The following CLN6 variants were observed in gnomAD, a reference collection of about 807,000 sequenced individuals.
The protein encoded by CLN6 is ceroid-lipofuscinosis neuronal protein 6.
Under a neutral mutation model 33.3 loss-of-function variants are expected in CLN6, and 22 were observed. The observed-to-expected ratio is 0.66, with a 90% CI of 0.47 to 0.94. The LOEUF (loss-of-function observed/expected upper bound fraction) is 0.94, where lower values mean the gene tolerates loss of function less well. CLN6 is among the 40% of genes least tolerant of loss of function. CLN6 has a pLI of 0.00. For synonymous variants in CLN6, 201 were observed against 174.6 expected (o/e 1.15, Z -1.19); for missense variants, 387 against 417.1 (o/e 0.93, Z 0.63).
chr15:68,211,698 T>C lies in CLN6; in HGVS notation c.463A>G (p.Lys155Glu). Reference sequence around the variant, plus strand: ...ACCAGCGTCTCCGGCTTGAGATTCTTGATGATGGGGTTCTCACGGACAGAC... The same window carrying C: ...ACCAGCGTCTCCGGCTTGAGATTCTCGATGATGGGGTTCTCACGGACAGAC... ...HLSVRENPII[K>E]NLKPETLIDS... The change falls in exon 4 of 7, where the codon AAG becomes GAG. Residue 155 changes from lysine to glutamate, a missense_variant. By Grantham distance (56) the Lys-to-Glu change is moderately conservative. Coordinates refer to ENST00000249806, the MANE Select transcript of CLN6 (RefSeq NM_017882.3). The surrounding 1 kb of genome is among the most constrained non-coding windows in gnomAD (Gnocchi z 5.9). 1 of 1,613,780 alleles carries C rather than the reference T, an allele frequency of 6.2e-7. No homozygotes were observed. Among genetic ancestry groups the C allele is most frequent in the Non-Finnish European group, 8.5e-7 (1 of 1,179,982 alleles).
chr15:68,254,615 G>A (rs1427836124), intron 1 of CLN6: 9 of 621,236 alleles, frequency 1.4e-5, no homozygotes, highest in Non-Finnish European at 2.6e-5. Context: ...ATGTCCCGCC[G>A]CCGTTGCCGC....
intron 1 of CLN6, among the ~76,000 whole-genome samples, chr15:68,222,256 T>C (rs1184712884): frequency 2.2e-5 from 3 of 134,924 alleles, no homozygotes; most frequent in Admixed American, 7.7e-5. Flanking sequence ...GGCCGCCCCA[T>C]CTGGGAAGTG....
intron 2 of CLN6, among the ~76,000 whole-genome samples, chr15:68,217,552 CA>C (rs1332778280): frequency 1.3e-5 from 2 of 152,302 alleles, no homozygotes; most frequent in East Asian, 1.9e-4. Flanking sequence ...TGCTAATTTG[CA>C]TGATCACTAG....
In CLN6 at chr15:68,211,652, C is replaced by T. The variant is rs764960003; in HGVS notation, c.486+23G>A. 3 of 1,612,596 alleles carry T rather than the reference C, an allele frequency of 1.9e-6. No individual in the cohort carries two copies. The South Asian group carries it at 3.3e-5, about 18-fold the overall frequency. The stretch of plus-strand genomic sequence containing the variant: ...AGACTGTGCTCCTAGGGCTTACAGG[C>T]AGGGAGCAGGAGGTGGCCTCACCAG... On this transcript the variant is annotated intron_variant, in intron 4 of 6. Transcript: ENST00000249806. The surrounding 1 kb of genome is among the most constrained non-coding windows in gnomAD (Gnocchi z 5.9).
At position 68,229,675 on chromosome 15, in the gene CLN6, C is replaced by T. The variant is rs912843721; in HGVS notation, c.-91G>A. ...GGCGGAGGCCGCCGCAAATTCCCAG[C>T]GCGGGGCGGTTCGGGGCGGGCCGGC... On this transcript the variant is annotated 5_prime_UTR_variant, in exon 1 of 7. Coordinates refer to ENST00000249806, the MANE Select transcript of CLN6 (RefSeq NM_017882.3). The T allele has an allele frequency of 8.9e-6, 10 of 1,125,822 alleles. No individual in the cohort carries two copies. The highest frequency in any genetic ancestry group is 3.9e-5 in the Admixed American group (1 of 25,844). 69.7% of individuals were successfully genotyped at this position (1,125,822 alleles called of 1,614,324 possible). A position where few individuals can be genotyped will look rare whatever the true frequency, so the allele number is the denominator to read the frequency against.
At chr15:68,254,033 G>A (rs1257215148) in intron 1 of CLN6, among the ~76,000 whole-genome samples, 5 of 151,674 alleles carry the variant, frequency 3.3e-5, no homozygotes, top group Non-Finnish European at 5.9e-5. Context: ...GCCCACCACC[G>A]CGCCCGGCTA....
In CLN6 at chr15:68,219,316, A is replaced by G. The variant is rs2093228992; in HGVS notation, c.84-666T>C. The stretch of plus-strand genomic sequence containing the variant: ...CTCCAATGAAATGTGCTTTAGAGAG[A>G]CTGAAATGGATAGGGCCTCCTGCTC... On this transcript the variant is annotated intron_variant, in intron 1 of 6. Coordinates refer to ENST00000249806, the MANE Select transcript of CLN6 (RefSeq NM_017882.3). The surrounding 1 kb of genome is among the most constrained non-coding windows in gnomAD (Gnocchi z 4.2). Among the ~76,000 whole-genome samples the G allele has an allele frequency of 6.6e-6, 1 of 152,104 alleles. No individual in the cohort carries two copies. Among genetic ancestry groups the G allele is most frequent in the Admixed American group, 6.5e-5 (1 of 15,272 alleles).
rs979720182 is a variant in CLN6, at chr15:68,211,116, T to C, written c.542+147A>G. 6.6e-6 allele frequency: 5 copies of C among 755,576 alleles called. No homozygotes were observed. In the East Asian group the frequency reaches 7.5e-5, roughly 11 times the overall value. The allele number at this position is 755,576 out of a possible 1,614,324, so 46.8% of individuals were successfully genotyped here. A position where few individuals can be genotyped will look rare whatever the true frequency, so the allele number is the denominator to read the frequency against. On this transcript the variant is annotated intron_variant, in intron 5 of 6. Transcript: ENST00000249806. The surrounding 1 kb of genome is among the most constrained non-coding windows in gnomAD (Gnocchi z 5.9). The stretch of plus-strand genomic sequence containing the variant: ...ACCTCGGGGACAACTTCACTGGAGG[T>C]TGAGCTCACAGTGCCTTTACAGGGG...
rs556168846 is a variant in CLN6 at position 68,211,095 on chromosome 15, CG to C, written c.542+167del. 1.5e-3 allele frequency among the ~76,000 whole-genome samples: 225 copies of C among 152,240 alleles called. 4 individuals are homozygous for C. The highest frequency in any genetic ancestry group is 5.2e-3 in the African/African-American group (214 of 41,546). Reference sequence around the variant, plus strand: ...AGCAGCTGGGTCTCCCGGGCAACCTCGGGGACAACTTCACTGGAGGTTGAGC... The same window carrying C: ...AGCAGCTGGGTCTCCCGGGCAACCTCGGGACAACTTCACTGGAGGTTGAGC... On this transcript the variant is annotated intron_variant, in intron 5 of 6. Transcript: ENST00000249806. The surrounding 1 kb of genome is among the most constrained non-coding windows in gnomAD (Gnocchi z 5.9).
Position 68,227,036 on chromosome 15 carries a change from CTTTTT to C in CLN6, c.83+2461_83+2465del, listed in dbSNP as rs922791164. Among the ~76,000 whole-genome samples, 16 of 150,408 alleles carry C rather than the reference CTTTTT, an allele frequency of 1.1e-4. No individual in the cohort carries two copies. Among genetic ancestry groups the C allele is most frequent in the South Asian group, 1.0e-3 (5 of 4,776 alleles). ...TAATTATAATACTTTCTTTTCTTTT[CTTTTT>C]TTACTTTTTTTTTTTTTTGAGACAG... On this transcript the variant is annotated intron_variant, in intron 1 of 6. Coordinates refer to ENST00000249806, the MANE Select transcript of CLN6 (RefSeq NM_017882.3). The surrounding 1 kb of genome is among the most constrained non-coding windows in gnomAD (Gnocchi z 4.1).
At position 68,210,842 on chromosome 15, in the gene CLN6, C is replaced by T. The variant is rs1358021051; in HGVS notation, c.542+421G>A. Among the ~76,000 whole-genome samples the T allele has an allele frequency of 1.3e-5, 2 of 152,194 alleles. No homozygotes were observed. The highest frequency in any genetic ancestry group is 2.9e-5 in the Non-Finnish European group (2 of 68,022). The stretch of plus-strand genomic sequence containing the variant: ...GCTTCCTCCACTCCCAAAGAGCAGG[C>T]CCGACACGGGTGGGGGTCCCTGGCT... On this transcript the variant is annotated intron_variant, in intron 5 of 6. Coordinates refer to ENST00000249806, the MANE Select transcript of CLN6 (RefSeq NM_017882.3). This position sits in a 1 kb window ranked among gnomAD's most constrained non-coding sequence, Gnocchi z 5.6.
chr15:68,214,029 C>T, intron 3 of CLN6: 1 of 435,864 alleles, frequency 2.3e-6, no homozygotes, highest in Non-Finnish European at 4.3e-6. Context: ...CTGAACACCT[C>T]TCTGCTTCCC....
intron 1 of CLN6, among the ~76,000 whole-genome samples, chr15:68,223,918 C>A (rs139288538): frequency 6.6e-6 from 1 of 151,686 alleles, no homozygotes; most frequent in Non-Finnish European, 1.5e-5. Context: ...TGGTGGTGTG[C>A]GCCTGTAATC....
chr15:68,223,787 T>C (rs1236944940), intron 1 of CLN6, among the ~76,000 whole-genome samples: 1 of 150,066 alleles, frequency 6.7e-6, no homozygotes, highest in African/African-American at 2.4e-5. Context: ...GGCTCATGCC[T>C]GTACTCCCAG....
Position 68,256,939 on chromosome 15 carries a change from G to A in CLN6, c.-71C>T. On this transcript the variant is annotated 5_prime_UTR_variant, in exon 1 of 7. Coordinates refer to the CLN6 transcript ENST00000538696. This position sits in a 1 kb window ranked among gnomAD's most constrained non-coding sequence, Gnocchi z 4.1. Reference sequence around the variant, plus strand: ...GGTGCGCGTCCCACCGCGTCGTGGGGCAGGGTGTAGTGATGGTCACGCATC... The same window carrying A: ...GGTGCGCGTCCCACCGCGTCGTGGGACAGGGTGTAGTGATGGTCACGCATC... 1.6e-6 allele frequency: 1 copy of A among 618,826 alleles called. No individual in the cohort carries two copies. Among genetic ancestry groups the A allele is most frequent in the South Asian group, 1.8e-5 (1 of 55,248 alleles). 38.3% of individuals were successfully genotyped at this position (618,826 alleles called of 1,614,324 possible). A position where few individuals can be genotyped will look rare whatever the true frequency, so the allele number is the denominator to read the frequency against.
chr15:68,212,016 C>G, intron 3 of CLN6, 153 bp from the exon 4 acceptor site: 2 of 709,762 alleles, frequency 2.8e-6, no homozygotes, highest in South Asian at 3.5e-5. Flanking sequence ...GCCAGCCCAG[C>G]CTCCAGATCC....
At chr15:68,229,955 G>A, upstream of CLN6, among the ~76,000 whole-genome samples, 1 of 152,200 alleles carries the variant, frequency 6.6e-6, no homozygotes, top group Admixed American at 6.5e-5. Flanking sequence ...TCTGTCTAGG[G>A]TGACTGAGGC....
chr15:68,218,176 G>T (rs1413285543), intron 2 of CLN6: 25 of 278,058 alleles, frequency 9.0e-5, no homozygotes, highest in Middle Eastern at 2.5e-3. Context: ...CGGAGGTGGG[G>T]GTGCGGTGCT....
At chr15:68,226,092 G>A (rs1398352567) in intron 1 of CLN6, among the ~76,000 whole-genome samples, 1 of 151,744 alleles carries the variant, frequency 6.6e-6, no homozygotes, top group African/African-American at 2.4e-5. Flanking sequence ...GGCTGAGGCG[G>A]GTGAATCACA....
Sources: gnomAD v4.1 joint callset for allele counts (sites outside exome capture counted in the v4.1 genomes callset) on GRCh38, gnomAD v4.1.1 for gene constraint, Gnocchi (gnomAD v3.1) non-coding constraint, MANE v1.5 for transcripts, NCBI Gene and HGNC (gene_info 2026-07-23, HGNC 2026-07-21) for gene names.